The following DHX8 variants were observed in gnomAD, a reference collection of about 807,000 sequenced individuals.
DHX8 encodes ATP-dependent RNA helicase DHX8.
A neutral mutation model predicts 140.7 loss-of-function variants in DHX8; 67 were observed. That is an observed-to-expected ratio of 0.48 (90% CI 0.39 to 0.58). The LOEUF (loss-of-function observed/expected upper bound fraction) is 0.58. Ranked by LOEUF, DHX8 falls within the 20% of genes least tolerant of loss-of-function variation. The pLI, the probability that DHX8 is intolerant of heterozygous loss-of-function variation, is 0.00. For synonymous variants in DHX8, 533 were observed against 553.2 expected, an observed-to-expected ratio of 0.96 and a Z score of 0.51; for missense variants, 887 against 1,550.7, an observed-to-expected ratio of 0.57 and a Z score of 7.19.
intron 2 of DHX8, chr17:43,533,404 G>A (rs573506248): frequency 6.5e-7 from 1 of 1,529,622 alleles, no homozygotes; most frequent in South Asian, 1.2e-5. Context: ...AAGCATCTTT[G>A]AACCCTTCAT....
downstream of DHX8, chr17:43,528,355 C>A: frequency 1.9e-6 from 1 of 534,292 alleles, no homozygotes. Flanking sequence ...TTCCCAATGA[C>A]TCCGGTGAGC....
At position 43,490,455 on chromosome 17, in the gene DHX8, C is replaced by G. The variant is rs934198980; in HGVS notation, c.299C>G (p.Thr100Ser). 1.2e-6 allele frequency: 2 copies of G among 1,613,540 alleles called. No individual in the cohort carries two copies. Among genetic ancestry groups the G allele is most frequent in the South Asian group, 2.2e-5 (2 of 91,012 alleles). The change falls in exon 3 of 23, where the codon ACT becomes AGT. Residue 100 changes from threonine to serine, a missense_variant. Coordinates refer to ENST00000262415, the MANE Select transcript of DHX8 (RefSeq NM_004941.3). ...QTMRPPAKPS[T>S]SKDPVVKPKT... ...ATGCGGCCTCCAGCGAAGCCTTCCA[C>G]TAGCAAAGGTAAGCAGAGCTTCCAG... is the stretch of plus-strand genomic sequence containing the variant.
In DHX8 at chr17:43,508,342, A is replaced by G. The variant is rs766299109; in HGVS notation, c.2324A>G (p.Asp775Gly). The part of the protein sequence containing the change: ...MQIHLTEPPG[D>G]ILVFLTGQEE... ...GAATGTTCTATTCTGCTCGTAGGTG[A>G]TATCCTGGTCTTCCTGACTGGTCAG... Residue 775 changes from aspartate (D) to glycine (G), a missense_variant, in exon 16 of 23, where the codon GAT becomes GGT. Coordinates refer to ENST00000262415, the MANE Select transcript of DHX8 (RefSeq NM_004941.3). The G allele has an allele frequency of 6.2e-7, 1 of 1,611,864 alleles. No individual in the cohort carries two copies.
Position 43,489,520 on chromosome 17 carries a change from G to A in DHX8, c.220G>A (p.Gly74Ser). Reference protein sequence around the residue: ...DTFKASLVKNGAEFTDSLISN... With the variant: ...DTFKASLVKNSAEFTDSLISN... ...TTTTAAGGCTTCTCTCGTCAAAAATGGTGCAGAATTTACGGTATGTATATG... is the reference window on the plus strand; with the variant it reads ...TTTTAAGGCTTCTCTCGTCAAAAATAGTGCAGAATTTACGGTATGTATATG... The change falls in exon 2 of 23, where the codon GGT (glycine) becomes AGT (serine). Residue 74 changes from glycine to serine, a missense_variant. By Grantham distance (56) the Gly-to-Ser change is moderately conservative (BLOSUM62 0). Coordinates refer to ENST00000262415, the MANE Select transcript of DHX8 (RefSeq NM_004941.3). 1 of 1,605,056 alleles carries A rather than the reference G, an allele frequency of 6.2e-7. No homozygotes were observed. The highest frequency in any genetic ancestry group is 8.5e-7 in the Non-Finnish European group (1 of 1,174,894).
chr17:43,508,586 C>A, intron 16 of DHX8, 66 bp downstream of exon 16: 5 of 1,139,704 alleles, frequency 4.4e-6, no homozygotes, highest in East Asian at 2.4e-5. Context: ...GCCTGTCAGC[C>A]ATAGTAGGGA....
At position 43,520,870 on chromosome 17, in the gene DHX8, T is replaced by C; in HGVS notation, c.3057T>C (p.Tyr1019=). The C allele has an allele frequency of 6.2e-7, 1 of 1,611,874 alleles. No homozygotes were observed. Among genetic ancestry groups the C allele is most frequent in the Non-Finnish European group, 8.5e-7 (1 of 1,179,248 alleles). The change falls in exon 20 of 23, where the codon TAT becomes TAC. Residue 1019 remains tyrosine (Y), a synonymous_variant. Transcript: ENST00000262415. ...TGCTGTCTGTGCAGAACGTCTTCTATAGGCCCAAGGTAGGAAGTTCAGATC... is the reference window on the plus strand; with the variant it reads ...TGCTGTCTGTGCAGAACGTCTTCTACAGGCCCAAGGTAGGAAGTTCAGATC... ...VSMLSVQNVF[Y]RPKDKQALAD... is the part of the protein sequence containing the mutation.
chr17:43,513,551 T>C lies in DHX8; in HGVS notation c.2643+49T>C, dbSNP rs762980197. 12 of 1,581,074 alleles carry C rather than the reference T, an allele frequency of 7.6e-6. No individual in the cohort carries two copies. The African/African-American group carries it at 1.6e-4, about 22-fold the overall frequency. ...TTTCCTGATAATCCTGATTAGGGCC[T>C]TTCTGAAACTTTTTTATGGTTATAT... On this transcript the variant is annotated intron_variant, in intron 17 of 22. Transcript: ENST00000262415.
Position 43,496,316 on chromosome 17 carries a change from T to C in DHX8, c.1300+48T>C, listed in dbSNP as rs766493439. On this transcript the variant is annotated intron_variant, in intron 9 of 22. Transcript: ENST00000262415. ...AAGGGTAATTGGCAAGTTGAGCCAT[T>C]GAATTGGGTGATTTGCCTGTAGTTT... 12 of 1,361,262 alleles carry C rather than the reference T, an allele frequency of 8.8e-6. No individual in the cohort carries two copies. In the African/African-American group the frequency reaches 1.7e-4, roughly 20 times the overall value. 84.3% of individuals were successfully genotyped at this position (1,361,262 alleles called of 1,614,324 possible).
chr17:43,517,484 C>A, intron 18 of DHX8, 162 bp downstream of exon 18: 2 of 792,610 alleles, frequency 2.5e-6, no homozygotes, highest in Non-Finnish European at 3.8e-6. Context: ...CCTCTCACGG[C>A]AGGTCTGGGG....
intron 1 of DHX8, among the ~76,000 whole-genome samples, 199 bp from the exon 2 acceptor site, chr17:43,489,250 C>T (rs1968355551): frequency 6.6e-6 from 1 of 152,222 alleles, no homozygotes. Flanking sequence ...AGTGATCCGC[C>T]TGCCTTGGCC....
At chr17:43,526,809 T>A, downstream of DHX8, 1 of 811,946 alleles carries the variant, frequency 1.2e-6, no homozygotes, top group Non-Finnish European at 1.7e-6. Context: ...TAAAATTTTG[T>A]TTCTTGCACT....
At chr17:43,529,687 C>G, downstream of DHX8, 1 of 1,601,930 alleles carries the variant, frequency 6.2e-7, no homozygotes, top group Non-Finnish European at 8.5e-7. Context: ...CTGGGGAACA[C>G]GAAAATAGGA....
rs773200542 is a variant in DHX8 at position 43,504,729 on chromosome 17, G to A, written c.1632G>A (p.Gly544=). 3.1e-6 allele frequency: 5 copies of A among 1,614,004 alleles called. No homozygotes were observed. The highest frequency in any genetic ancestry group is 1.7e-6 in the Non-Finnish European group (2 of 1,180,032). The part of the protein sequence containing the change: ...DIPEWKKHAF[G]GNKASYGKKT... Reference sequence around the variant, plus strand: ...CTGAGTGGAAGAAGCATGCCTTTGGGGGCAACAAAGCCTCTTACGGAAAAA... The same window carrying A: ...CTGAGTGGAAGAAGCATGCCTTTGGAGGCAACAAAGCCTCTTACGGAAAAA... Residue 544 remains glycine (G), a synonymous_variant, in exon 12 of 23, where the codon GGG becomes GGA. Transcript: ENST00000262415.
chr17:43,489,445 G>T lies in DHX8; in HGVS notation c.149-4G>T, dbSNP rs1325097253. ...CTTTTCTGAATTCTGTTTCTTATTT[G>T]CAGCTGAATTTGTGATCAGTCTTGC... On this transcript the variant is annotated splice_region_variant and splice_polypyrimidine_tract_variant and intron_variant, in intron 1 of 22. Transcript: ENST00000262415. The T allele has an allele frequency of 1.3e-6, 2 of 1,593,582 alleles. No individual in the cohort carries two copies. Among genetic ancestry groups the T allele is most frequent in the African/African-American group, 1.4e-5 (1 of 73,416 alleles).
chr17:43,519,226 T>C (rs1333899841), intron 18 of DHX8: 7 of 152,244 alleles, frequency 4.6e-5, no homozygotes, highest in Non-Finnish European at 8.8e-5. Flanking sequence ...CAGCAATGCA[T>C]GAGGTTTCTG....
intron 8 of DHX8, among the ~76,000 whole-genome samples, chr17:43,494,594 G>A (rs914390936): frequency 3.3e-5 from 5 of 151,090 alleles, no homozygotes; most frequent in African/African-American, 7.3e-5. Context: ...CATGGTGCGC[G>A]CCTATAATCC....
In DHX8 at chr17:43,523,839, C is replaced by T. The variant is rs1276779780; in HGVS notation, c.3655C>T (p.Arg1219Trp). The change falls in exon 23 of 23, where the codon CGG becomes TGG. Residue 1219 changes from arginine (R) to tryptophan (W), a missense_variant. By Grantham distance (101) the Arg-to-Trp change is moderately radical (BLOSUM62 -3). Around this residue, in one of 9 missense-constraint regions of DHX8, gnomAD observed 14 missense variants for 56.3 expected, o/e 0.25. Transcript: ENST00000262415. ...CTGGAGAATATCTCGAGCTTTCCGA[C>T]GGCGCTGAAAGGCAAGATTGTTCCT... is the stretch of plus-strand genomic sequence containing the variant. ...NAWRISRAFR[R>W]R 2.5e-6 allele frequency: 4 copies of T among 1,614,182 alleles called. No individual in the cohort carries two copies. Among genetic ancestry groups the T allele is most frequent in the African/African-American group, 1.3e-5 (1 of 75,044 alleles).
chr17:43,505,328 G>C (rs2154586606), intron 12 of DHX8, among the ~76,000 whole-genome samples: 1 of 152,216 alleles, frequency 6.6e-6, no homozygotes, highest in East Asian at 1.9e-4. Context: ...AGAATCGCTT[G>C]AATCAGGGAG....
chr17:43,524,231 T>C lies in DHX8; in HGVS notation c.*384T>C. ...GCTAGCAGGAGCTACTGTGCTCATC[T>C]AAAGTGTTTGCCCCACTTCCCACCC... On this transcript the variant is annotated 3_prime_UTR_variant, in exon 23 of 23. Transcript: ENST00000262415. 9.4e-7 allele frequency: 1 copy of C among 1,063,222 alleles called. No individual in the cohort carries two copies. The highest frequency in any genetic ancestry group is 4.9e-5 in the Admixed American group (1 of 20,252). 65.9% of individuals were successfully genotyped at this position (1,063,222 alleles called of 1,614,324 possible). A position where few individuals can be genotyped will look rare whatever the true frequency, so the allele number is the denominator to read the frequency against.
Sources: allele counts gnomAD v4.1 joint callset (sites outside exome capture counted in the v4.1 genomes callset), GRCh38; gene constraint gnomAD v4.1.1; regional missense constraint gnomAD v4.1.1; transcripts MANE v1.5; gene names NCBI Gene and HGNC (gene_info 2026-07-23, HGNC 2026-07-21).